UBE4B: variants seen among roughly 807,000 people sequenced by gnomAD.
UBE4B encodes ubiquitination factor E4B, also known as ubiquitin conjugation factor E4 B.
In UBE4B, 27 loss-of-function variants were observed where a neutral mutation model predicts 148.1. The observed-to-expected ratio is 0.18, with a 90% CI of 0.13 to 0.25. The LOEUF (loss-of-function observed/expected upper bound fraction) is 0.25, where lower values mean the gene tolerates loss of function less well. UBE4B is among the 10% of genes least tolerant of loss of function. The pLI, the probability that UBE4B is intolerant of heterozygous loss-of-function variation, is 1.00. For missense variants in UBE4B, 1,170 were observed against 1,662.4 expected (o/e 0.70, Z 5.15); for synonymous variants, 596 against 619.3 (o/e 0.96, Z 0.56).
Position 10,179,467 on chromosome 1 carries a change from C to G in UBE4B, c.3752C>G (p.Thr1251Ser). The part of the protein sequence containing the change: ...MTDPVRLPSG[T>S]IMDRSIILRH... ...GACCCCGTGCGGCTGCCCTCTGGCACCATCATGGACCGCTCCATCATCCTG... is the reference window on the plus strand; with the variant it reads ...GACCCCGTGCGGCTGCCCTCTGGCAGCATCATGGACCGCTCCATCATCCTG... The change falls in exon 27 of 28, where the codon ACC becomes AGC. Residue 1251 changes from threonine (T) to serine (S), a missense_variant. Thr to Ser is a moderately conservative substitution (Grantham distance 58). Transcript: ENST00000343090. The G allele has an allele frequency of 6.2e-7, 1 of 1,614,096 alleles. No individual in the cohort carries two copies. Among genetic ancestry groups the G allele is most frequent in the Non-Finnish European group, 8.5e-7 (1 of 1,180,032 alleles).
At chr1:10,118,482 C>G (rs185425540) in intron 8 of UBE4B, among the ~76,000 whole-genome samples, 267 of 152,122 alleles carry the variant, frequency 1.8e-3, no homozygotes, top group African/African-American at 5.8e-3. Flanking sequence ...GGATTACAGG[C>G]ACCTGCCACC....
chr1:10,081,642 G>A (rs1409605605), intron 2 of UBE4B, among the ~76,000 whole-genome samples: 1 of 151,572 alleles, frequency 6.6e-6, no homozygotes, highest in Non-Finnish European at 1.5e-5. Context: ...AGGCTGGAGT[G>A]TAATGGCGTA....
chr1:10,171,092 C>G, intron 24 of UBE4B, 46 bp from the exon 25 acceptor site: 1 of 1,554,522 alleles, frequency 6.4e-7, no homozygotes, highest in African/African-American at 1.4e-5. Context: ...GTCCTTTTCA[C>G]TTGTCTCAAC....
At chr1:10,146,899 C>T (rs1645882026) in intron 18 of UBE4B, 64 bp from the exon 19 acceptor site, 1 of 1,580,834 alleles carries the variant, frequency 6.3e-7, no homozygotes. Context: ...AGTCCCTGCC[C>T]AGTCCCCCTG....
At chr1:10,160,369 A>G (rs558212030) in intron 22 of UBE4B, among the ~76,000 whole-genome samples, 2 of 152,308 alleles carry the variant, frequency 1.3e-5, no homozygotes, top group African/African-American at 4.8e-5. Context: ...ATTGGTGAGT[A>G]TATGCGTTTT....
chr1:10,154,594 T>C (rs762390242), intron 21 of UBE4B, among the ~76,000 whole-genome samples: 11 of 152,042 alleles, frequency 7.2e-5, no homozygotes, highest in Non-Finnish European at 1.0e-4. Context: ...TCCCAGCACT[T>C]TGGGAGGCTG....
In UBE4B at chr1:10,102,925, C is replaced by G. The variant is rs150061339; in HGVS notation, c.436-23C>G. The G allele has an allele frequency of 4.5e-5, 71 of 1,587,112 alleles. No homozygotes were observed. In the African/African-American group the frequency reaches 8.3e-4, roughly 19 times the overall value. On this transcript the variant is annotated intron_variant, in intron 4 of 27. Coordinates refer to ENST00000343090, the MANE Select transcript of UBE4B (RefSeq NM_001105562.3). Reference sequence around the variant, plus strand: ...CTCATACCTCTTATTTGAAATTAACCTGCAAATCTTCTTCTTCACCAGGAG... The same window carrying G: ...CTCATACCTCTTATTTGAAATTAACGTGCAAATCTTCTTCTTCACCAGGAG...
chr1:10,105,508 T>TC lies in UBE4B; in HGVS notation c.581-6dup. 1 of 1,613,758 alleles carries TC rather than the reference T, an allele frequency of 6.2e-7. No homozygotes were observed. On this transcript the variant is annotated splice_region_variant and splice_polypyrimidine_tract_variant and intron_variant, in intron 5 of 27. Coordinates refer to ENST00000343090, the MANE Select transcript of UBE4B (RefSeq NM_001105562.3). ...TGTAACCTGTTCTTTGTTCTGCCTT[T>TC]CCAACAGTATTCTCCGATTTTAAGG...
rs1436247864 is a variant in UBE4B, at chr1:10,144,957, A to G, written c.2381A>G (p.Lys794Arg). 6 of 1,613,518 alleles carry G rather than the reference A, an allele frequency of 3.7e-6. No homozygotes were observed. Among genetic ancestry groups the G allele is most frequent in the Non-Finnish European group, 5.1e-6 (6 of 1,179,752 alleles). Residue 794 changes from lysine (K) to arginine (R), a missense_variant, in exon 18 of 28, where the codon AAA becomes AGA. Physicochemically the swap from Lys to Arg is conservative, Grantham distance 26 (BLOSUM62 2). Coordinates refer to ENST00000343090, the MANE Select transcript of UBE4B (RefSeq NM_001105562.3). Reference protein sequence around the residue: ...RELNRTVEDLKNNESQWKDSP... With the variant: ...RELNRTVEDLRNNESQWKDSP... ...GATTTCAGAACTGTAGAAGATTTGA[A>G]AAATAATGAAAGCCAATGGAAAGAT...
intron 25 of UBE4B, among the ~76,000 whole-genome samples, chr1:10,175,022 G>T (rs1646396473): frequency 6.6e-6 from 1 of 152,194 alleles, no homozygotes; most frequent in South Asian, 2.1e-4. Context: ...TGACAGCTTT[G>T]CAGGTAAAGA....
intron 17 of UBE4B, among the ~76,000 whole-genome samples, chr1:10,144,287 A>G (rs1041424270): frequency 2.6e-5 from 4 of 151,946 alleles, no homozygotes; most frequent in African/African-American, 9.7e-5. Context: ...TTGAATAGGC[A>G]AAGTAACCTC....
At chr1:10,044,252 C>G (rs562758271) in intron 1 of UBE4B, among the ~76,000 whole-genome samples, 1 of 151,870 alleles carries the variant, frequency 6.6e-6, no homozygotes, top group Non-Finnish European at 1.5e-5. Context: ...CGGGGTTTTA[C>G]TCTTGTTGTC....
At position 10,035,398 on chromosome 1, in the gene UBE4B, T is replaced by G. The variant is rs1269423592; in HGVS notation, c.24+1704T>G. Among the ~76,000 whole-genome samples the G allele has an allele frequency of 7.4e-5, 10 of 134,582 alleles. No homozygotes were observed. The South Asian group carries it at 1.0e-3, about 14-fold the overall frequency. The allele number at this position is 134,582 out of a possible 152,430, so 88.3% of individuals were successfully genotyped here. On this transcript the variant is annotated intron_variant, in intron 1 of 27. Transcript: ENST00000343090. ...TTAAGGCAGAGATACTGTTTTTTTTTTTTTTTTTTTTTTTTTGAGGCGGAG... is the reference window on the plus strand; with the variant it reads ...TTAAGGCAGAGATACTGTTTTTTTTGTTTTTTTTTTTTTTTTGAGGCGGAG...
chr1:10,036,420 A>G (rs1377496104), intron 1 of UBE4B, among the ~76,000 whole-genome samples: 1 of 152,182 alleles, frequency 6.6e-6, no homozygotes, highest in Non-Finnish European at 1.5e-5. Flanking sequence ...CCAGAACACA[A>G]AGGGCTGGTT....
At chr1:10,041,879 G>T (rs979558489) in intron 1 of UBE4B, among the ~76,000 whole-genome samples, 2 of 151,836 alleles carry the variant, frequency 1.3e-5, no homozygotes, top group Non-Finnish European at 2.9e-5. Context: ...TGTATTTTTA[G>T]TAGAGGGGTT....
chr1:10,061,506 T>C (rs1244107354), intron 1 of UBE4B, among the ~76,000 whole-genome samples: 1 of 152,166 alleles, frequency 6.6e-6, no homozygotes, highest in Non-Finnish European at 1.5e-5. Flanking sequence ...ATCCGCCTGC[T>C]TCCCAAAGTG....
intron 1 of UBE4B, chr1:10,059,777 G>GT (rs1275665579): frequency 6.6e-6 from 1 of 152,318 alleles, no homozygotes; most frequent in Non-Finnish European, 1.5e-5. Context: ...GTTGTTGAGC[G>GT]TATCTGGAGG....
intron 19 of UBE4B, among the ~76,000 whole-genome samples, chr1:10,148,743 C>G (rs1329195735): frequency 6.6e-6 from 1 of 151,876 alleles, no homozygotes; most frequent in Non-Finnish European, 1.5e-5. Flanking sequence ...AGTTCGAGAC[C>G]AGCCTGGCCA....
chr1:10,111,475 C>T (rs1645220166), intron 7 of UBE4B, among the ~76,000 whole-genome samples: 1 of 152,158 alleles, frequency 6.6e-6, no homozygotes, highest in African/African-American at 2.4e-5. Context: ...CCACTGACCT[C>T]ATTGTCTCAA....
Sources: allele counts gnomAD v4.1 joint callset (sites outside exome capture counted in the v4.1 genomes callset), GRCh38; gene constraint gnomAD v4.1.1; transcripts MANE v1.5; gene names NCBI Gene and HGNC (gene_info 2026-07-23, HGNC 2026-07-21).